SMAD2: variants seen among roughly 807,000 people sequenced by gnomAD.
The protein encoded by SMAD2 is SMAD family member 2, also known as MAD homolog 2.
Under a neutral mutation model 64.4 loss-of-function variants are expected in SMAD2, and 8 were observed. The ratio of observed to expected loss-of-function variants is 0.12; its 90% CI spans 0.07 to 0.22. SMAD2 has a LOEUF of 0.22. Among genes scored for constraint, SMAD2 ranks in the 10% least tolerant of loss-of-function variants. The pLI is 1.00. For synonymous variants in SMAD2, 203 were observed against 195.8 expected, an observed-to-expected ratio of 1.04 and a Z score of -0.31; for missense variants, 289 against 561.2, an observed-to-expected ratio of 0.51 and a Z score of 4.90.
At chr18:47,928,506 A>C (rs1224288727) in intron 1 of SMAD2, among the ~76,000 whole-genome samples, 1 of 152,234 alleles carries the variant, frequency 6.6e-6, no homozygotes, top group Non-Finnish European at 1.5e-5. Context: ...TGTTCCTACT[A>C]AAGTTCTGTT....
intron 1 of SMAD2, among the ~76,000 whole-genome samples, chr18:47,908,785 C>T (rs2034007105): frequency 1.3e-5 from 2 of 152,220 alleles, no homozygotes; most frequent in Non-Finnish European, 1.5e-5. Context: ...ATCATCTCTG[C>T]ATGAGCAGTT....
At chr18:47,864,669 C>A (rs1277413694) in intron 6 of SMAD2, among the ~76,000 whole-genome samples, 1 of 152,060 alleles carries the variant, frequency 6.6e-6, no homozygotes, top group East Asian at 1.9e-4. Context: ...AAAAGCTGAT[C>A]CCCATCCTTC....
intron 1 of SMAD2, among the ~76,000 whole-genome samples, chr18:47,926,236 C>T (rs1232620273): frequency 6.6e-6 from 1 of 152,160 alleles, no homozygotes; most frequent in Admixed American, 6.5e-5. Flanking sequence ...CAATCTTCAA[C>T]CCCTTTAAGA....
chr18:47,902,993 A>C (rs747064345), intron 1 of SMAD2, among the ~76,000 whole-genome samples: 2 of 152,172 alleles, frequency 1.3e-5, no homozygotes, highest in Non-Finnish European at 2.9e-5. Flanking sequence ...GTTTCCACTA[A>C]GTACTTGCAA....
intron 1 of SMAD2, among the ~76,000 whole-genome samples, chr18:47,915,764 AAC>A (rs2034308394): frequency 5.9e-5 from 9 of 152,154 alleles, no homozygotes; most frequent in South Asian, 2.1e-4. Flanking sequence ...TCCCCAAAAA[AAC>A]AACATTTCCA....
chr18:47,928,787 AT>A (rs1271427807), intron 1 of SMAD2, among the ~76,000 whole-genome samples: 2 of 152,216 alleles, frequency 1.3e-5, no homozygotes, highest in Non-Finnish European at 2.9e-5. Context: ...TCTAAGAGCA[AT>A]TTCTTACTAA....
chr18:47,900,843 CAT>C (rs1451738934), intron 1 of SMAD2, among the ~76,000 whole-genome samples: 2 of 152,112 alleles, frequency 1.3e-5, no homozygotes, highest in East Asian at 1.9e-4. Flanking sequence ...TATTTTAAGT[CAT>C]ATGTTATTCA....
chr18:47,921,212 A>G (rs895326358), intron 1 of SMAD2, among the ~76,000 whole-genome samples: 3 of 152,198 alleles, frequency 2.0e-5, no homozygotes, highest in African/African-American at 7.2e-5. Flanking sequence ...CACTACTCCA[A>G]AAAAGAAGAA....
chr18:47,877,216 G>C (rs1568073569), intron 2 of SMAD2, among the ~76,000 whole-genome samples: 1 of 150,650 alleles, frequency 6.6e-6, no homozygotes, highest in Non-Finnish European at 1.5e-5. Context: ...TGCCACCTTG[G>C]TAAGATTAAA....
intron 1 of SMAD2, among the ~76,000 whole-genome samples, chr18:47,929,136 T>C (rs1004007331): frequency 3.9e-5 from 6 of 152,216 alleles, no homozygotes; most frequent in African/African-American, 1.4e-4. Flanking sequence ...ATGAAGCCCA[T>C]TTTAAATTAC....
intron 7 of SMAD2, among the ~76,000 whole-genome samples, chr18:47,850,719 TTA>T (rs1434753638): frequency 3.4e-5 from 1 of 29,060 alleles, no homozygotes; most frequent in Non-Finnish European, 5.4e-5. Context: ...TATATATATA[TTA>T]TATATATTAT....
At chr18:47,844,002 T>A (rs946654276) in intron 10 of SMAD2, among the ~76,000 whole-genome samples, 5 of 152,138 alleles carry the variant, frequency 3.3e-5, no homozygotes, top group Non-Finnish European at 4.4e-5. Flanking sequence ...TTAGACAATA[T>A]AATTTAAATC....
chr18:47,841,535 A>C lies in SMAD2; in HGVS notation c.*292T>G, dbSNP rs1598740704. On this transcript the variant is annotated 3_prime_UTR_variant, in exon 11 of 11. Coordinates refer to ENST00000262160, the MANE Select transcript of SMAD2 (RefSeq NM_005901.6). ...TACATTACCTGTACACATAACTACT[A>C]CTGTTATTAATAAACCTTTGGGACA... The C allele has an allele frequency of 2.1e-6, 1 of 475,480 alleles. No homozygotes were observed. Among genetic ancestry groups the C allele is most frequent in the East Asian group, 3.7e-5 (1 of 27,232 alleles). 29.5% of individuals were successfully genotyped at this position (475,480 alleles called of 1,614,324 possible). A position where few individuals can be genotyped will look rare whatever the true frequency, so the allele number is the denominator to read the frequency against.
rs574223246 is a variant in SMAD2, at chr18:47,838,866, G to C, written c.*2961C>G. 1.3e-4 allele frequency: 31 copies of C among 232,648 alleles called. No homozygotes were observed. Among genetic ancestry groups the C allele is most frequent in the African/African-American group, 6.0e-4 (27 of 45,346 alleles). 14.4% of individuals were successfully genotyped at this position (232,648 alleles called of 1,614,324 possible). On this transcript the variant is annotated 3_prime_UTR_variant, in exon 11 of 11. Transcript: ENST00000262160. ...AATGTGATAGAAAGCATGGCCATTC[G>C]GTTCTCAGGTCATCATTCCTAGAAA...
chr18:47,912,858 CAAAAAAAA>C (rs566813544), intron 1 of SMAD2, among the ~76,000 whole-genome samples: 1,957 of 59,276 alleles, frequency 0.033, 57 homozygotes, highest in African/African-American at 0.098. Context: ...GTATAAACAG[CAAAAAAAA>C]AAAAAAAAAA....
chr18:47,908,831 C>G (rs2096933), intron 1 of SMAD2, among the ~76,000 whole-genome samples: 85,307 of 152,000 alleles, frequency 0.56, 24,320 homozygotes, highest in East Asian at 0.8. Context: ...AAAAAGTGAT[C>G]TCTCACATTT....
chr18:47,914,578 C>G (rs1192849513), intron 1 of SMAD2, among the ~76,000 whole-genome samples: 1 of 152,138 alleles, frequency 6.6e-6, no homozygotes, highest in Admixed American at 6.5e-5. Context: ...AGAGGTGAGA[C>G]AGTGATCTAA....
intron 1 of SMAD2, among the ~76,000 whole-genome samples, chr18:47,915,672 T>C (rs2034304102): frequency 6.6e-6 from 1 of 152,152 alleles, no homozygotes; most frequent in Non-Finnish European, 1.5e-5. Flanking sequence ...CACTCTACAA[T>C]TTCTCTAAAC....
Position 47,869,487 on chromosome 18 carries a change from A to AG in SMAD2, c.327-52_327-51insC, listed in dbSNP as rs1239381336. 6.4e-6 allele frequency: 9 copies of AG among 1,409,192 alleles called. No individual in the cohort carries two copies. The Admixed American group carries it at 1.7e-4, about 27-fold the overall frequency. The allele number at this position is 1,409,192 out of a possible 1,614,324, so 87.3% of individuals were successfully genotyped here. On this transcript the variant is annotated intron_variant, in intron 3 of 10. Transcript: ENST00000262160. ...AGGAGGGAACTTTAAAAAAAAAAAA[A>AG]AAAAAGTGCAGTCAAATGGGCTAAA... is the stretch of plus-strand genomic sequence containing the variant.
Sources: gnomAD v4.1 joint callset for allele counts (sites outside exome capture counted in the v4.1 genomes callset) on GRCh38, gnomAD v4.1.1 for gene constraint, MANE v1.5 for transcripts, NCBI Gene and HGNC (gene_info 2026-07-23, HGNC 2026-07-21) for gene names.